KAZN: variants seen among roughly 807,000 people sequenced by gnomAD.
KAZN encodes kazrin, periplakin interacting protein.
KAZN carries 40 observed loss-of-function variants against 87.4 expected under a neutral mutation model. The ratio of observed to expected loss-of-function variants is 0.46; its 90% CI spans 0.36 to 0.60. The LOEUF (loss-of-function observed/expected upper bound fraction) is 0.60. Among genes scored for constraint, KAZN ranks in the 20% least tolerant of loss-of-function variants. The probability of loss-of-function intolerance (pLI) is 0.00; values close to 1 mark genes in which losing one functional copy is unlikely to be tolerated. For missense variants in KAZN, 898 were observed against 1,073.9 expected (o/e 0.84, Z 2.29); for synonymous variants, 466 against 458.3 (o/e 1.02, Z -0.22).
At chr1:14,410,135 GCT>G (rs1315387146) in intron 2 of KAZN, among the ~76,000 whole-genome samples, 2 of 152,170 alleles carry the variant, frequency 1.3e-5, no homozygotes, top group Non-Finnish European at 2.9e-5. Flanking sequence ...AGAGGGTCTT[GCT>G]CTGTCACCAG....
chr1:15,049,460 T>A lies in KAZN; in HGVS notation c.726+5301T>A, dbSNP rs1366084423. ...GCTTCCCTGGCCTCCACCCACCAGA[T>A]GCCAGCAGCACCCCCTCCACCCCAG... On this transcript the variant is annotated intron_variant, in intron 4 of 14. Transcript: ENST00000376030. Among the ~76,000 whole-genome samples the A allele has an allele frequency of 2.0e-5, 3 of 152,134 alleles. No individual in the cohort carries two copies. The East Asian group carries it at 5.8e-4, about 29-fold the overall frequency.
intron 2 of KAZN, among the ~76,000 whole-genome samples, chr1:14,974,118 A>G (rs1018672263): frequency 6.6e-6 from 1 of 151,988 alleles, no homozygotes; most frequent in African/African-American, 2.4e-5. Flanking sequence ...CCCCTTCAGC[A>G]TAGTAGTCAG....
In KAZN at chr1:14,629,217, G is replaced by C. The variant is rs16850618; in HGVS notation, c.226+29994G>C. ...GAGGATGGAGTGTCTTATGGATAAC[G>C]AGTAGTCCCCAAGAAAGGTGTTGGG... On this transcript the variant is annotated intron_variant, in intron 1 of 14. Transcript: ENST00000376030. Among the ~76,000 whole-genome samples, 771 of 152,262 alleles carry C rather than the reference G, an allele frequency of 5.1e-3. 7 individuals carry two copies. Among genetic ancestry groups the C allele is most frequent in the African/African-American group, 0.018 (738 of 41,548 alleles).
chr1:14,893,526 C>T (rs1277026076), intron 1 of KAZN, among the ~76,000 whole-genome samples: 1 of 151,628 alleles, frequency 6.6e-6, no homozygotes, highest in East Asian at 1.9e-4. Context: ...AGAGCGCTCG[C>T]TGAGACCCCC....
intron 2 of KAZN, among the ~76,000 whole-genome samples, chr1:14,285,295 A>G (rs1470717551): frequency 6.6e-6 from 1 of 152,216 alleles, no homozygotes; most frequent in Non-Finnish European, 1.5e-5. Context: ...CAGAATTATT[A>G]TTACTTTGAA....
intron 8 of KAZN, among the ~76,000 whole-genome samples, chr1:15,083,100 G>C (rs1049757565): frequency 1.3e-5 from 2 of 152,098 alleles, no homozygotes; most frequent in East Asian, 3.9e-4. Flanking sequence ...CCACTGGGTG[G>C]GAGGCCCAGG....
intron 2 of KAZN, among the ~76,000 whole-genome samples, chr1:14,292,232 A>G (rs1292208568): frequency 4.6e-5 from 7 of 152,206 alleles, no homozygotes; most frequent in Admixed American, 4.6e-4. Context: ...AGTAAGCAAT[A>G]TGTGTGCTTC....
chr1:14,290,750 G>A (rs960732348), intron 2 of KAZN, among the ~76,000 whole-genome samples: 1 of 152,192 alleles, frequency 6.6e-6, no homozygotes, highest in African/African-American at 2.4e-5. Context: ...CTTTGGAGGA[G>A]AAGAGGCACT....
intron 2 of KAZN, among the ~76,000 whole-genome samples, chr1:14,344,014 A>G (rs1490278399): frequency 6.6e-6 from 1 of 152,230 alleles, no homozygotes; most frequent in Non-Finnish European, 1.5e-5. Context: ...TGATAGATCC[A>G]GAACCGGAGA....
intron 1 of KAZN, among the ~76,000 whole-genome samples, chr1:13,913,034 T>C (rs970796313): frequency 6.6e-6 from 1 of 152,124 alleles, no homozygotes; most frequent in Non-Finnish European, 1.5e-5. Flanking sequence ...AAATTGGAAC[T>C]CTCCTTTATC....
intron 1 of KAZN, among the ~76,000 whole-genome samples, chr1:14,691,254 G>C (rs1049917493): frequency 6.6e-6 from 1 of 152,022 alleles, no homozygotes; most frequent in Admixed American, 6.6e-5. Flanking sequence ...TTATGTGGTC[G>C]ATTTCTTAAC....
chr1:14,021,543 G>T (rs575944481), intron 1 of KAZN, among the ~76,000 whole-genome samples: 1 of 152,144 alleles, frequency 6.6e-6, no homozygotes, highest in African/African-American at 2.4e-5. Flanking sequence ...CAGGGTTGTG[G>T]AAGGAGGAGA....
Position 14,896,041 on chromosome 1 carries a change from CTTTTTTTTTTTTTTTTTTTT to C in KAZN, c.227-64631_227-64612del, listed in dbSNP as rs201188620. 8.1e-3 allele frequency among the ~76,000 whole-genome samples: 1,143 copies of C among 140,766 alleles called. 26 individuals carry two copies. The highest frequency in any genetic ancestry group is 0.03 in the African/African-American group (1,085 of 36,276). 92.3% of individuals were successfully genotyped at this position (140,766 alleles called of 152,430 possible). A position where few individuals can be genotyped will look rare whatever the true frequency, so the allele number is the denominator to read the frequency against. On this transcript the variant is annotated intron_variant, in intron 1 of 14. Transcript: ENST00000376030. ...CAGTAAGTACAAATGAAAAAGACGC[CTTTTTTTTTTTTTTTTTTTT>C]TTTTTTTTTTTGGACACAGATTCTT...
At chr1:14,586,426 G>C (rs1675850072) in intron 2 of KAZN, among the ~76,000 whole-genome samples, 1 of 151,730 alleles carries the variant, frequency 6.6e-6, no homozygotes, top group South Asian at 2.1e-4. Flanking sequence ...GCTACTCCAT[G>C]TGTAGGTCAT....
At chr1:14,543,731 G>A (rs563639563) in intron 2 of KAZN, among the ~76,000 whole-genome samples, 14 of 152,174 alleles carry the variant, frequency 9.2e-5, no homozygotes, top group South Asian at 4.2e-4. Context: ...TTTTTGCAGC[G>A]TCGGGTCATT....
chr1:14,259,137 G>A (rs549810116), intron 2 of KAZN, among the ~76,000 whole-genome samples: 1 of 151,946 alleles, frequency 6.6e-6, no homozygotes, highest in South Asian at 2.1e-4. Context: ...TTGGAGATGA[G>A]TGAAAGGTGG....
intron 8 of KAZN, among the ~76,000 whole-genome samples, chr1:15,090,299 G>A (rs1047670870): frequency 6.6e-6 from 1 of 152,220 alleles, no homozygotes; most frequent in Non-Finnish European, 1.5e-5. Flanking sequence ...TAACAGAGGT[G>A]AGACTCAGCT....
chr1:15,092,373 CCAGT>C (rs1047794189), intron 8 of KAZN, among the ~76,000 whole-genome samples: 1 of 152,060 alleles, frequency 6.6e-6, no homozygotes, highest in African/African-American at 2.4e-5. Flanking sequence ...CTGTGCCCAG[CCAGT>C]CAGAGTTATA....
chr1:14,136,642 G>C (rs1336754792), intron 1 of KAZN, among the ~76,000 whole-genome samples: 1 of 136,810 alleles, frequency 7.3e-6, no homozygotes, highest in Non-Finnish European at 1.6e-5. Flanking sequence ...AAAGAAGAGT[G>C]GGAGATAACT....
Sources: allele counts gnomAD v4.1 joint callset (sites outside exome capture counted in the v4.1 genomes callset), GRCh38; gene constraint gnomAD v4.1.1; transcripts MANE v1.5; gene names NCBI Gene and HGNC (gene_info 2026-07-23, HGNC 2026-07-21).